WHAMM: variants seen among roughly 807,000 people sequenced by gnomAD.
WHAMM encodes the protein WASP homolog-associated protein with actin, membranes and microtubules.
Under a neutral mutation model 76.5 loss-of-function variants are expected in WHAMM, and 67 were observed. The ratio of observed to expected loss-of-function variants is 0.88; its 90% CI spans 0.72 to 1.07. WHAMM has a LOEUF of 1.07. WHAMM is among the 50% of genes least tolerant of loss of function. WHAMM has a pLI of 0.00. For synonymous variants in WHAMM, 419 were observed against 422.1 expected (o/e 0.99, Z 0.09); for missense variants, 1,021 against 1,051.1 (o/e 0.97, Z 0.40).
In WHAMM at chr15:82,826,318, T is replaced by C. The variant is rs1039812596; in HGVS notation, c.1459-92T>C. 1.3e-5 allele frequency: 18 copies of C among 1,349,914 alleles called. No individual in the cohort carries two copies. In the Admixed American group the frequency reaches 1.9e-4, roughly 14 times the overall value. The allele number at this position is 1,349,914 out of a possible 1,614,324, so 83.6% of individuals were successfully genotyped here. A position where few individuals can be genotyped will look rare whatever the true frequency, so the allele number is the denominator to read the frequency against. On this transcript the variant is annotated intron_variant, in intron 6 of 9. Transcript: ENST00000286760. ...TAATATTAATGAATGCCTTACACTA[T>C]AGCCCAAATGCAGTGCTTTTTTCTT...
rs1018384144 is a variant in WHAMM at position 82,835,516 on chromosome 15, C to T, written c.*1980C>T. 2.3e-4 allele frequency: 35 copies of T among 152,438 alleles called. No individual in the cohort carries two copies. The highest frequency in any genetic ancestry group is 8.2e-4 in the African/African-American group (34 of 41,488). 9.4% of individuals were successfully genotyped at this position (152,438 alleles called of 1,614,324 possible). On this transcript the variant is annotated 3_prime_UTR_variant, in exon 10 of 10. Transcript: ENST00000286760. ...GTGAGTCCCTTTCAGCAGCTGCAGCCTGGGTCTCCCTCTGTGGCATGGCCA... is the reference window on the plus strand; with the variant it reads ...GTGAGTCCCTTTCAGCAGCTGCAGCTTGGGTCTCCCTCTGTGGCATGGCCA...
intron 8 of WHAMM, among the ~76,000 whole-genome samples, chr15:82,828,816 C>G (rs1029129502): frequency 6.6e-6 from 1 of 152,170 alleles, no homozygotes; most frequent in Non-Finnish European, 1.5e-5. Context: ...TATGCACTTG[C>G]ATGGGGTGAT....
intron 1 of WHAMM, chr15:82,810,834 G>A: frequency 2.3e-6 from 2 of 869,916 alleles, no homozygotes; most frequent in Non-Finnish European, 1.4e-6. Flanking sequence ...TGGAAAGCCG[G>A]CAGAAGGTGA....
Position 82,831,094 on chromosome 15 carries a change from T to A in WHAMM, c.2122+15T>A. On this transcript the variant is annotated intron_variant, in intron 9 of 9. Coordinates refer to ENST00000286760, the MANE Select transcript of WHAMM (RefSeq NM_001080435.3). ...TTCATGTCCAGGTAATCCACTGGAA[T>A]TCTGTCCCTGCTCCCCATGAGTTGT... 1.3e-6 allele frequency: 2 copies of A among 1,599,332 alleles called. No homozygotes were observed. The highest frequency in any genetic ancestry group is 1.1e-5 in the South Asian group (1 of 90,718).
In WHAMM at chr15:82,833,614, T is replaced by C; in HGVS notation, c.*78T>C. The C allele has an allele frequency of 6.7e-7, 1 of 1,482,074 alleles. No individual in the cohort carries two copies. The highest frequency in any genetic ancestry group is 9.1e-7 in the Non-Finnish European group (1 of 1,100,894). The allele number at this position is 1,482,074 out of a possible 1,614,324, so 91.8% of individuals were successfully genotyped here. ...GTCTTAGACCTATCGAAAAGCATACTAACAGGGTGCTGATAGATGGGCCAC... is the reference window on the plus strand; with the variant it reads ...GTCTTAGACCTATCGAAAAGCATACCAACAGGGTGCTGATAGATGGGCCAC... On this transcript the variant is annotated 3_prime_UTR_variant, in exon 10 of 10. Coordinates refer to ENST00000286760, the MANE Select transcript of WHAMM (RefSeq NM_001080435.3).
chr15:82,833,290 A>T lies in WHAMM; in HGVS notation c.2184A>T (p.Glu728Asp), dbSNP rs2051065022. 1 of 1,613,902 alleles carries T rather than the reference A, an allele frequency of 6.2e-7. No homozygotes were observed. The highest frequency in any genetic ancestry group is 8.5e-7 in the Non-Finnish European group (1 of 1,179,888). Reference protein sequence around the residue: ...RHGRAPLRKVEVPAVRPPHAS... With the variant: ...RHGRAPLRKVDVPAVRPPHAS... ...GCAGAGCTCCTCTCCGGAAGGTGGA[A>T]GTGCCGGCGGTGCGCCCTCCCCACG... Residue 728 changes from glutamate (E) to aspartate (D), a missense_variant, in exon 10 of 10, where the codon GAA (glutamate) becomes GAT (aspartate). By Grantham distance (45) the Glu-to-Asp change is conservative. Coordinates refer to ENST00000286760, the MANE Select transcript of WHAMM (RefSeq NM_001080435.3).
intron 2 of WHAMM, 45 bp downstream of exon 2, chr15:82,813,321 C>A: frequency 7.2e-7 from 1 of 1,393,788 alleles, no homozygotes; most frequent in African/African-American, 1.5e-5. Context: ...TACTATTTGT[C>A]ATAAATTATT....
intron 2 of WHAMM, among the ~76,000 whole-genome samples, chr15:82,814,458 CT>C (rs1004460359): frequency 6.6e-6 from 1 of 151,408 alleles, no homozygotes; most frequent in Non-Finnish European, 1.5e-5. Context: ...TTCCTTTCTT[CT>C]TTTTTTTTGA....
chr15:82,827,623 T>C (rs1289445244), intron 8 of WHAMM, among the ~76,000 whole-genome samples: 1 of 152,198 alleles, frequency 6.6e-6, no homozygotes, highest in African/African-American at 2.4e-5. Context: ...CAAACATTCA[T>C]CTAAAGGTAA....
intron 2 of WHAMM, 39 bp downstream of exon 2, chr15:82,813,315 A>G (rs978974910): frequency 8.5e-6 from 12 of 1,415,992 alleles, no homozygotes; most frequent in Non-Finnish European, 1.0e-5. Context: ...CAGATTTACT[A>G]TTTGTCATAA....
chr15:82,829,227 TC>T (rs2050987500), intron 8 of WHAMM, among the ~76,000 whole-genome samples: 3 of 152,282 alleles, frequency 2.0e-5, no homozygotes, highest in South Asian at 4.1e-4. Context: ...TCCCAGCACT[TC>T]AGGAAGGTGA....
At chr15:82,813,605 T>G (rs1261354213) in intron 2 of WHAMM, among the ~76,000 whole-genome samples, 1 of 151,522 alleles carries the variant, frequency 6.6e-6, no homozygotes, top group East Asian at 1.9e-4. Context: ...AGCTTAAGAT[T>G]CCTACAGATT....
chr15:82,827,471 G>T (rs961384971), intron 8 of WHAMM, among the ~76,000 whole-genome samples: 2 of 151,884 alleles, frequency 1.3e-5, no homozygotes, highest in Non-Finnish European at 2.9e-5. Flanking sequence ...AAGCTGCTAT[G>T]AAAATTCAAA....
intron 8 of WHAMM, among the ~76,000 whole-genome samples, chr15:82,827,515 A>G (rs2050955239): frequency 6.6e-6 from 1 of 152,202 alleles, no homozygotes. Flanking sequence ...TAATTGACAC[A>G]TAATCATTGT....
At chr15:82,813,727 C>A (rs2050672251) in intron 2 of WHAMM, among the ~76,000 whole-genome samples, 1 of 117,050 alleles carries the variant, frequency 8.5e-6, no homozygotes, top group African/African-American at 3.3e-5. Flanking sequence ...GTGGCATGAT[C>A]TTGGCTCACT....
intron 9 of WHAMM, among the ~76,000 whole-genome samples, chr15:82,832,179 G>A (rs183862743): frequency 2.0e-5 from 3 of 152,334 alleles, no homozygotes; most frequent in African/African-American, 7.2e-5. Flanking sequence ...GTTTTGGGAA[G>A]TTCTGTTCAA....
rs1414794068 is a variant in WHAMM, at chr15:82,826,485, A to G, written c.1534A>G (p.Ser512Gly). Reference protein sequence around the residue: ...ESIRYSRQHHSIQMKRDKIKE... With the variant: ...ESIRYSRQHHGIQMKRDKIKE... The stretch of plus-strand genomic sequence containing the variant: ...CATAAGATACTCTCGTCAGCATCAC[A>G]GTATTCAGATGGTGAGTCTCCTCCG... The change falls in exon 7 of 10, where the codon AGT (serine) becomes GGT (glycine). Residue 512 changes from serine (S) to glycine (G), a missense_variant. Ser to Gly is a moderately conservative substitution (Grantham distance 56). Coordinates refer to ENST00000286760, the MANE Select transcript of WHAMM (RefSeq NM_001080435.3). 1 of 1,613,824 alleles carries G rather than the reference A, an allele frequency of 6.2e-7. No homozygotes were observed. Among genetic ancestry groups the G allele is most frequent in the Non-Finnish European group, 8.5e-7 (1 of 1,179,720 alleles).
At position 82,826,494 on chromosome 15, in the gene WHAMM, A is replaced by G; in HGVS notation, c.1543A>G (p.Met515Val). ...RYSRQHHSIQ[M>V]KRDKIKEEEQ... ...CTCTCGTCAGCATCACAGTATTCAG[A>G]TGGTGAGTCTCCTCCGAAGGAAAAT... The change falls in exon 7 of 10, where the codon ATG becomes GTG. Residue 515 changes from methionine to valine, a missense_variant and splice_region_variant. Physicochemically the swap from Met to Val is conservative, Grantham distance 21. Around this residue, in one of 3 missense-constraint regions of WHAMM, gnomAD observed 509 missense variants for 492.3 expected, o/e 1.03. Coordinates refer to ENST00000286760, the MANE Select transcript of WHAMM (RefSeq NM_001080435.3). 4 of 1,613,432 alleles carry G rather than the reference A, an allele frequency of 2.5e-6. No individual in the cohort carries two copies. The highest frequency in any genetic ancestry group is 1.1e-5 in the South Asian group (1 of 91,068).
At chr15:82,826,180 A>T (rs1327896118) in intron 6 of WHAMM, among the ~76,000 whole-genome samples, 1 of 152,164 alleles carries the variant, frequency 6.6e-6, no homozygotes, top group African/African-American at 2.4e-5. Flanking sequence ...TGGTTGGCGG[A>T]TTGTTTTTCA....
Sources: gnomAD v4.1 joint callset for allele counts (sites outside exome capture counted in the v4.1 genomes callset) on GRCh38, gnomAD v4.1.1 for gene constraint, gnomAD v4.1.1 regional missense constraint, MANE v1.5 for transcripts, NCBI Gene and HGNC (gene_info 2026-07-23, HGNC 2026-07-21) for gene names.